The following ARHGAP12 variants were observed in gnomAD, a reference collection of about 807,000 sequenced individuals.
The protein encoded by ARHGAP12 is Rho GTPase activating protein 12.
Under a neutral mutation model 108.6 loss-of-function variants are expected in ARHGAP12, and 64 were observed. The ratio of observed to expected loss-of-function variants is 0.59; its 90% CI spans 0.48 to 0.73. The LOEUF (loss-of-function observed/expected upper bound fraction) is 0.73, where lower values mean the gene tolerates loss of function less well. ARHGAP12 is among the 30% of genes least tolerant of loss of function. The probability of loss-of-function intolerance (pLI) is 0.00; values close to 1 mark genes in which losing one functional copy is unlikely to be tolerated. For synonymous variants in ARHGAP12, 312 were observed against 337.2 expected (o/e 0.93, Z 0.82); for missense variants, 940 against 1,005.9 (o/e 0.93, Z 0.89).
At chr10:31,814,188 G>C in intron 14 of ARHGAP12, 71 bp downstream of exon 14, 1 of 1,209,472 alleles carries the variant, frequency 8.3e-7, no homozygotes, top group Non-Finnish European at 1.2e-6. Context: ...TTTTATATAT[G>C]TATTTAAAAC....
At chr10:31,854,650 T>C (rs1836819901) in intron 4 of ARHGAP12, among the ~76,000 whole-genome samples, 1 of 152,196 alleles carries the variant, frequency 6.6e-6, no homozygotes, top group Admixed American at 6.5e-5. Flanking sequence ...CAAACAACCC[T>C]GCTCAATAAA....
intron 1 of ARHGAP12, among the ~76,000 whole-genome samples, chr10:31,928,209 G>A (rs1840140105): frequency 6.6e-6 from 1 of 151,212 alleles, no homozygotes; most frequent in South Asian, 2.1e-4. Context: ...CCCGCCTTTT[G>A]CAGACACACG....
intron 7 of ARHGAP12, 34 bp from the exon 8 acceptor site, chr10:31,839,745 A>G (rs778998650): frequency 1.3e-6 from 2 of 1,501,840 alleles, no homozygotes; most frequent in Non-Finnish European, 9.1e-7. Flanking sequence ...AAGTTACTCT[A>G]TTTTATATAA....
chr10:31,890,957 A>G (rs1321925034), intron 3 of ARHGAP12, among the ~76,000 whole-genome samples: 4 of 152,312 alleles, frequency 2.6e-5, no homozygotes, highest in South Asian at 4.1e-4. Flanking sequence ...CTTTGTAAAT[A>G]TATGTATATA....
chr10:31,889,619 G>GTTTTTTTTTTTTTTTTTTTTT (rs869116452), intron 3 of ARHGAP12, among the ~76,000 whole-genome samples: 1 of 66,420 alleles, frequency 1.5e-5, no homozygotes, highest in Non-Finnish European at 2.6e-5. Flanking sequence ...AATTTTTCTC[G>GTTTTTTTTTTTTTTTTTTTTT]TTTTTTTTTT....
At chr10:31,819,261 C>A (rs140721997) in intron 12 of ARHGAP12, among the ~76,000 whole-genome samples, 1 of 152,024 alleles carries the variant, frequency 6.6e-6, no homozygotes, top group Admixed American at 6.6e-5. Context: ...CGAGGCAGAA[C>A]AATAAAGAGT....
intron 15 of ARHGAP12, 48 bp from the exon 16 acceptor site, chr10:31,810,795 G>T (rs767993492): frequency 3.5e-6 from 5 of 1,434,184 alleles, no homozygotes; most frequent in Non-Finnish European, 4.9e-6. Flanking sequence ...CTGAAATTCA[G>T]TTCATGAAAT....
chr10:31,885,981 T>C (rs567185631), intron 3 of ARHGAP12, among the ~76,000 whole-genome samples: 1 of 152,326 alleles, frequency 6.6e-6, no homozygotes, highest in South Asian at 2.1e-4. Flanking sequence ...CTCTTTAATG[T>C]ACACCAACCT....
chr10:31,816,170 TG>T (rs1835196411), intron 13 of ARHGAP12, among the ~76,000 whole-genome samples: 1 of 102,100 alleles, frequency 9.8e-6, no homozygotes, highest in South Asian at 2.7e-4. Context: ...GAAAGAAACG[TG>T]TGTGTGTGTG....
intron 3 of ARHGAP12, among the ~76,000 whole-genome samples, chr10:31,876,233 T>G (rs1027456462): frequency 6.6e-6 from 1 of 152,008 alleles, no homozygotes; most frequent in Non-Finnish European, 1.5e-5. Context: ...AAAAATAACA[T>G]CAGGCCGGGC....
At chr10:31,841,534 G>C (rs564121041) in intron 7 of ARHGAP12, among the ~76,000 whole-genome samples, 2 of 152,276 alleles carry the variant, frequency 1.3e-5, no homozygotes, top group Non-Finnish European at 2.9e-5. Context: ...TCAGCCACCT[G>C]ATTACCAGGG....
intron 3 of ARHGAP12, among the ~76,000 whole-genome samples, chr10:31,899,342 A>G (rs909905795): frequency 1.3e-5 from 2 of 152,244 alleles, no homozygotes. Context: ...ATCCAATTCC[A>G]ATCAAAATCC....
rs1025411956 is a variant in ARHGAP12, at chr10:31,807,227, A to G, written c.*431T>C. ...ACAGGTTTCAAAATGGATATACTTC[A>G]TTTTGTTTAAAATGCCCAAGAGCCT... is the stretch of plus-strand genomic sequence containing the variant. On this transcript the variant is annotated 3_prime_UTR_variant, in exon 20 of 20. Coordinates refer to ENST00000344936, the MANE Select transcript of ARHGAP12 (RefSeq NM_018287.7). 6.5e-6 allele frequency: 1 copy of G among 153,346 alleles called. No homozygotes were observed. Among genetic ancestry groups the G allele is most frequent in the African/African-American group, 2.4e-5 (1 of 41,478 alleles). 9.5% of individuals were successfully genotyped at this position (153,346 alleles called of 1,614,324 possible).
chr10:31,905,776 C>T (rs1371466966), intron 3 of ARHGAP12, among the ~76,000 whole-genome samples: 3 of 151,994 alleles, frequency 2.0e-5, no homozygotes, highest in African/African-American at 7.3e-5. Flanking sequence ...GCACAGGAAA[C>T]ACTTGCATTG....
intron 9 of ARHGAP12, among the ~76,000 whole-genome samples, chr10:31,835,940 T>C (rs1835999310): frequency 6.6e-6 from 1 of 152,166 alleles, no homozygotes; most frequent in Non-Finnish European, 1.5e-5. Flanking sequence ...GCCACACACG[T>C]TGTAAATATA....
At chr10:31,881,101 A>C (rs1837935251) in intron 3 of ARHGAP12, among the ~76,000 whole-genome samples, 1 of 151,810 alleles carries the variant, frequency 6.6e-6, no homozygotes, top group African/African-American at 2.4e-5. Flanking sequence ...CAGCCTCCTG[A>C]GTGTCTGAGA....
rs918043096 is a variant in ARHGAP12, at chr10:31,888,802, A to G, written c.684+19370T>C. Reference sequence around the variant, plus strand: ...GAGGTAAAAGCACACAGAGTTTAGGAAAAAAAGGTTAAGAAAAAGAGAGAT... The same window carrying G: ...GAGGTAAAAGCACACAGAGTTTAGGGAAAAAAGGTTAAGAAAAAGAGAGAT... On this transcript the variant is annotated intron_variant, in intron 3 of 19. Coordinates refer to ENST00000344936, the MANE Select transcript of ARHGAP12 (RefSeq NM_018287.7). Among the ~76,000 whole-genome samples the G allele has an allele frequency of 1.1e-4, 17 of 152,342 alleles. No individual in the cohort carries two copies. In the East Asian group the frequency reaches 2.1e-3, roughly 19 times the overall value.
intron 3 of ARHGAP12, among the ~76,000 whole-genome samples, chr10:31,900,899 A>G (rs11594032): frequency 6.6e-6 from 1 of 152,096 alleles, no homozygotes; most frequent in Admixed American, 6.5e-5. Flanking sequence ...GACTATGACA[A>G]AACAACCTAA....
At chr10:31,888,815 G>C (rs116971751) in intron 3 of ARHGAP12, among the ~76,000 whole-genome samples, 2 of 152,112 alleles carry the variant, frequency 1.3e-5, no homozygotes, top group East Asian at 3.9e-4. Context: ...AAAAGGTTAA[G>C]AAAAAGAGAG....
Sources: gnomAD v4.1 joint callset for allele counts (sites outside exome capture counted in the v4.1 genomes callset) on GRCh38, gnomAD v4.1.1 for gene constraint, MANE v1.5 for transcripts, NCBI Gene and HGNC (gene_info 2026-07-23, HGNC 2026-07-21) for gene names.